Variants in AFG2A observed in about 807,000 individuals in gnomAD.
The protein encoded by AFG2A is ATPase family gene 2 protein homolog A.
chr4:123,180,199 G>T, the AFG2A span, among the ~76,000 whole-genome samples: 1 of 152,104 alleles, frequency 6.6e-6, no homozygotes. Flanking sequence ...CAGCCTGGGC[G>T]ACAGAGTGAG....
At chr4:122,961,506 G>A in the AFG2A span, among the ~76,000 whole-genome samples, 1 of 152,102 alleles carries the variant, frequency 6.6e-6, no homozygotes. Context: ...CTCCTTGACA[G>A]ATTTTCTTTC....
the AFG2A span, among the ~76,000 whole-genome samples, chr4:122,943,966 C>T: frequency 3.3e-5 from 5 of 152,086 alleles, no homozygotes. Context: ...TATTGGCCCC[C>T]ACTCTCTTCT....
At chr4:123,188,619 C>G in the AFG2A span, among the ~76,000 whole-genome samples, 24 of 152,226 alleles carry the variant, frequency 1.6e-4, no homozygotes, top group African/African-American at 5.3e-4. Flanking sequence ...CAATATTTCC[C>G]CCGTAGCTTT....
the AFG2A span, among the ~76,000 whole-genome samples, chr4:123,207,673 G>A: frequency 6.6e-6 from 1 of 152,292 alleles, no homozygotes; most frequent in Non-Finnish European, 1.5e-5. Context: ...TAAGAAAACA[G>A]TTGCATTTAC....
the AFG2A span, among the ~76,000 whole-genome samples, chr4:123,093,381 C>T: frequency 3.3e-5 from 5 of 152,140 alleles, no homozygotes; most frequent in Non-Finnish European, 7.4e-5. Flanking sequence ...TGGGTCACTG[C>T]CATGGAAACG....
At chr4:123,218,019 A>G in the AFG2A span, among the ~76,000 whole-genome samples, 46 of 152,338 alleles carry the variant, frequency 3.0e-4, no homozygotes, top group South Asian at 7.0e-3. Flanking sequence ...CAGTGTAAGT[A>G]TTCGAGAAAG....
At chr4:123,299,741 T>C in the AFG2A span, among the ~76,000 whole-genome samples, 1 of 152,178 alleles carries the variant, frequency 6.6e-6, no homozygotes, top group African/African-American at 2.4e-5. Context: ...TCCTAAAATT[T>C]ACTAAATGTA....
the AFG2A span, among the ~76,000 whole-genome samples, chr4:123,309,542 C>A: frequency 5.3e-5 from 8 of 152,140 alleles, no homozygotes; most frequent in African/African-American, 1.4e-4. Context: ...ACATTCAGAC[C>A]ATTGCACTGG....
the AFG2A span, among the ~76,000 whole-genome samples, chr4:123,049,252 G>A: frequency 6.6e-6 from 1 of 152,086 alleles, no homozygotes; most frequent in East Asian, 1.9e-4. Flanking sequence ...GTATTATTGA[G>A]TTTGGTTTGC....
chr4:123,148,254 G>T, the AFG2A span, among the ~76,000 whole-genome samples: 1 of 152,170 alleles, frequency 6.6e-6, no homozygotes, highest in Non-Finnish European at 1.5e-5. Context: ...TATACATACA[G>T]TTCCTTTTTA....
At chr4:123,049,454 G>C in the AFG2A span, among the ~76,000 whole-genome samples, 1 of 152,014 alleles carries the variant, frequency 6.6e-6, no homozygotes. Flanking sequence ...ATGTTTGGTA[G>C]AATTCAGCAG....
At chr4:123,032,527 G>A in the AFG2A span, among the ~76,000 whole-genome samples, 2 of 152,044 alleles carry the variant, frequency 1.3e-5, no homozygotes, top group South Asian at 2.1e-4. Flanking sequence ...AAGTATCTGG[G>A]GTTACAGGCT....
chr4:123,018,261 G>C, the AFG2A span, among the ~76,000 whole-genome samples: 1 of 152,184 alleles, frequency 6.6e-6, no homozygotes, highest in Non-Finnish European at 1.5e-5. Flanking sequence ...AAAGCCATAT[G>C]TGAGCAGCTG....
At chr4:123,026,105 ATGTGTGTG>A in the AFG2A span, among the ~76,000 whole-genome samples, 105,885 of 149,044 alleles carry the variant, frequency 0.71, 38,825 homozygotes, top group East Asian at 0.95. Flanking sequence ...GTGTATGTGT[ATGTGTGTG>A]TGTGTGTGTG....
chr4:123,007,910 G>A, the AFG2A span, among the ~76,000 whole-genome samples: 1 of 151,880 alleles, frequency 6.6e-6, no homozygotes, highest in African/African-American at 2.4e-5. Context: ...TTTCTCAAGG[G>A]TCATTGTCTT....
At chr4:123,003,725 G>A in the AFG2A span, among the ~76,000 whole-genome samples, 1 of 152,136 alleles carries the variant, frequency 6.6e-6, no homozygotes, top group Admixed American at 6.5e-5. Context: ...ACTGGGGGGT[G>A]CCTTCCAGTT....
At chr4:123,139,903 C>A in the AFG2A span, among the ~76,000 whole-genome samples, 3 of 151,736 alleles carry the variant, frequency 2.0e-5, no homozygotes, top group Non-Finnish European at 4.4e-5. Flanking sequence ...CAGACTGATA[C>A]CCATTATTTT....
At chr4:123,281,452 T>C in the AFG2A span, among the ~76,000 whole-genome samples, 56 of 152,302 alleles carry the variant, frequency 3.7e-4, 1 homozygote, top group South Asian at 0.012. Flanking sequence ...TCTTTAGACC[T>C]ACAGGCTGCC....
the AFG2A span, among the ~76,000 whole-genome samples, chr4:123,131,329 A>T: frequency 6.6e-6 from 1 of 152,156 alleles, no homozygotes; most frequent in Non-Finnish European, 1.5e-5. Context: ...ATTGCGGTAA[A>T]AAAGCACATA....
Sources: gnomAD v4.1 joint callset for allele counts (sites outside exome capture counted in the v4.1 genomes callset) on GRCh38, gnomAD v4.1.1 for gene constraint, MANE v1.5 for transcripts, NCBI Gene and HGNC (gene_info 2026-07-23, HGNC 2026-07-21) for gene names.